Variants in HUNK observed in about 807,000 individuals in gnomAD.
The protein encoded by HUNK is hormonally up-regulated Neu-associated kinase, also known as hormonally up-regulated neu tumor-associated kinase.
Under a neutral mutation model 61.0 loss-of-function variants are expected in HUNK, and 21 were observed. That is an observed-to-expected ratio of 0.34 (90% CI 0.24 to 0.50). HUNK has a LOEUF of 0.50. HUNK is among the 20% of genes least tolerant of loss of function. The probability of loss-of-function intolerance (pLI) is 0.98; values close to 1 mark genes in which losing one functional copy is unlikely to be tolerated. For missense variants in HUNK, 772 were observed against 945.7 expected, an observed-to-expected ratio of 0.82 and a Z score of 2.41; for synonymous variants, 371 against 386.1, an observed-to-expected ratio of 0.96 and a Z score of 0.46.
At chr21:31,916,966 A>T (rs2052587155) in intron 1 of HUNK, among the ~76,000 whole-genome samples, 1 of 151,952 alleles carries the variant, frequency 6.6e-6, no homozygotes, top group Non-Finnish European at 1.5e-5. Flanking sequence ...GTGAGCCACC[A>T]CACCCGGCCG....
intron 2 of HUNK, among the ~76,000 whole-genome samples, 196 bp from the exon 3 acceptor site, chr21:31,939,969 C>G (rs904415086): frequency 7.9e-5 from 12 of 151,966 alleles, no homozygotes; most frequent in Non-Finnish European, 1.8e-4. Context: ...AATTCTTCAG[C>G]TTTTATAGTC....
chr21:31,902,915 A>G (rs1051565080), intron 1 of HUNK, among the ~76,000 whole-genome samples: 5 of 152,138 alleles, frequency 3.3e-5, no homozygotes, highest in Admixed American at 2.0e-4. Flanking sequence ...TTCTTTATGT[A>G]ATGATAAAAT....
intron 1 of HUNK, among the ~76,000 whole-genome samples, chr21:31,918,603 T>G (rs1448272153): frequency 6.6e-6 from 1 of 152,244 alleles, no homozygotes; most frequent in Non-Finnish European, 1.5e-5. Flanking sequence ...TCCCAGCCCC[T>G]GGTGGCTGCC....
rs1241173392 is a variant in HUNK at position 31,999,947 on chromosome 21, G to A, written c.*763G>A. On this transcript the variant is annotated 3_prime_UTR_variant, in exon 11 of 11. Coordinates refer to ENST00000270112, the MANE Select transcript of HUNK (RefSeq NM_014586.2). ...TAAAACTTGGATGGAGAGATGAGAA[G>A]CAATTCCACCAAACTCATGTTTTCA... 2.0e-5 allele frequency: 8 copies of A among 392,754 alleles called. No individual in the cohort carries two copies. The highest frequency in any genetic ancestry group is 1.5e-4 in the East Asian group (4 of 27,566). The allele number at this position is 392,754 out of a possible 1,614,324, so 24.3% of individuals were successfully genotyped here. A position where few individuals can be genotyped will look rare whatever the true frequency, so the allele number is the denominator to read the frequency against.
At chr21:31,964,785 G>A (rs1312955122) in intron 5 of HUNK, among the ~76,000 whole-genome samples, 4 of 152,194 alleles carry the variant, frequency 2.6e-5, no homozygotes, top group Non-Finnish European at 5.9e-5. Flanking sequence ...AATTACTTGT[G>A]CTCATCAGCA....
chr21:31,943,953 G>A (rs1291866058), intron 3 of HUNK, among the ~76,000 whole-genome samples: 3 of 152,172 alleles, frequency 2.0e-5, no homozygotes, highest in Admixed American at 2.0e-4. Context: ...TTATTTGATG[G>A]TGCTGTCTCT....
chr21:31,926,021 C>A (rs1289815167), intron 2 of HUNK, among the ~76,000 whole-genome samples: 1 of 151,898 alleles, frequency 6.6e-6, no homozygotes, highest in Non-Finnish European at 1.5e-5. Flanking sequence ...CAGGTTCAAG[C>A]AATTCTCCTG....
intron 2 of HUNK, among the ~76,000 whole-genome samples, chr21:31,928,206 C>T (rs781551320): frequency 3.3e-5 from 5 of 152,124 alleles, no homozygotes; most frequent in Non-Finnish European, 5.9e-5. Flanking sequence ...CTGGGAGCGG[C>T]AGATCTTTCT....
chr21:31,912,966 T>TC (rs2123807656), intron 1 of HUNK, among the ~76,000 whole-genome samples: 1 of 152,350 alleles, frequency 6.6e-6, no homozygotes, highest in African/African-American at 2.4e-5. Context: ...TCGTGGGATT[T>TC]CCCAAGGCAG....
intron 7 of HUNK, among the ~76,000 whole-genome samples, chr21:31,974,996 C>CTTT (rs1033673980): frequency 6.9e-6 from 1 of 145,142 alleles, no homozygotes. Flanking sequence ...TCTCTGTTGT[C>CTTT]TTTTTTTTTT....
chr21:31,879,086 C>G (rs1449685245), intron 1 of HUNK, among the ~76,000 whole-genome samples: 1 of 152,164 alleles, frequency 6.6e-6, no homozygotes, highest in Admixed American at 6.6e-5. Context: ...GAAGGAGTTA[C>G]TAAAAATACG....
intron 5 of HUNK, among the ~76,000 whole-genome samples, chr21:31,959,289 T>C (rs1218886954): frequency 4.6e-5 from 7 of 152,164 alleles, no homozygotes; most frequent in East Asian, 1.9e-4. Context: ...GGCTTGATTG[T>C]TTTAAAACTC....
chr21:31,895,331 A>G (rs1176032313), intron 1 of HUNK, among the ~76,000 whole-genome samples: 1 of 152,190 alleles, frequency 6.6e-6, no homozygotes, highest in Non-Finnish European at 1.5e-5. Context: ...CAGCTGTTGA[A>G]CTAGGGTCTC....
chr21:31,888,361 TGA>T (rs1376977517), intron 1 of HUNK, among the ~76,000 whole-genome samples: 2 of 152,200 alleles, frequency 1.3e-5, no homozygotes, highest in Non-Finnish European at 2.9e-5. Flanking sequence ...TCCCAGGGAC[TGA>T]GAGGTGCTTT....
intron 4 of HUNK, among the ~76,000 whole-genome samples, chr21:31,951,431 C>A (rs2052849277): frequency 6.6e-6 from 1 of 152,278 alleles, no homozygotes; most frequent in East Asian, 1.9e-4. Context: ...TCATGTGCAA[C>A]CTTCAGTGAA....
At chr21:31,992,024 A>C (rs2053175078) in intron 9 of HUNK, among the ~76,000 whole-genome samples, 1 of 152,246 alleles carries the variant, frequency 6.6e-6, no homozygotes, top group Non-Finnish European at 1.5e-5. Flanking sequence ...TGAATTGCCC[A>C]AGGTTACCCA....
Position 31,873,642 on chromosome 21 carries a change from C to A in HUNK, c.-33C>A. 3 of 944,494 alleles carry A rather than the reference C, an allele frequency of 3.2e-6. No individual in the cohort carries two copies. Among genetic ancestry groups the A allele is most frequent in the Non-Finnish European group, 3.7e-6 (3 of 817,418 alleles). 58.5% of individuals were successfully genotyped at this position (944,494 alleles called of 1,614,324 possible). A position where few individuals can be genotyped will look rare whatever the true frequency, so the allele number is the denominator to read the frequency against. ...GAGGAGGAGCTGCGAGCGCGGGAGA[C>A]GAGCAGGAGCCGCGCGGGCCGCGGC... On this transcript the variant is annotated 5_prime_UTR_variant, in exon 1 of 11. Transcript: ENST00000270112. The surrounding 1 kb of genome is among the most constrained non-coding windows in gnomAD (Gnocchi z 6.1).
rs547782997 is a variant in HUNK at position 32,003,981 on chromosome 21, T to A, written c.*4797T>A. On this transcript the variant is annotated 3_prime_UTR_variant, in exon 11 of 11. Coordinates refer to ENST00000270112, the MANE Select transcript of HUNK (RefSeq NM_014586.2). Reference sequence around the variant, plus strand: ...TATGTGGAGCAAACTTGAGGATCAATTGGAGTTGAGTGGTTTAAAACTTAA... The same window carrying A: ...TATGTGGAGCAAACTTGAGGATCAAATGGAGTTGAGTGGTTTAAAACTTAA... 6.6e-6 allele frequency: 1 copy of A among 152,266 alleles called. No individual in the cohort carries two copies. The highest frequency in any genetic ancestry group is 2.1e-4 in the South Asian group (1 of 4,822). 9.4% of individuals were successfully genotyped at this position (152,266 alleles called of 1,614,324 possible). A position where few individuals can be genotyped will look rare whatever the true frequency, so the allele number is the denominator to read the frequency against.
intron 8 of HUNK, among the ~76,000 whole-genome samples, chr21:31,988,553 A>G: frequency 6.6e-6 from 1 of 151,664 alleles, no homozygotes; most frequent in Non-Finnish European, 1.5e-5. Context: ...ATGCATCACT[A>G]TGATCTCTGC....
Sources: gnomAD v4.1 joint callset for allele counts (sites outside exome capture counted in the v4.1 genomes callset) on GRCh38, gnomAD v4.1.1 for gene constraint, Gnocchi (gnomAD v3.1) non-coding constraint, MANE v1.5 for transcripts, NCBI Gene and HGNC (gene_info 2026-07-23, HGNC 2026-07-21) for gene names.